The following DOCK3 variants were observed in gnomAD, a reference collection of about 807,000 sequenced individuals.
DOCK3 encodes the protein dedicator of cytokinesis 3.
DOCK3 carries 60 observed loss-of-function variants against 265.6 expected under a neutral mutation model. The ratio of observed to expected loss-of-function variants is 0.23; its 90% CI spans 0.18 to 0.28. The LOEUF is 0.28. Among genes scored for constraint, DOCK3 ranks in the 10% least tolerant of loss-of-function variants. The pLI is 1.00. For synonymous variants in DOCK3, 881 were observed against 938.0 expected (o/e 0.94, Z 1.11); for missense variants, 1,981 against 2,594.3 (o/e 0.76, Z 5.14).
Position 51,310,304 on chromosome 3 carries a change from G to A in DOCK3, c.2995G>A (p.Val999Ile). The change falls in exon 28 of 53, where the codon GTA (valine) becomes ATA (isoleucine). Residue 999 changes from valine to isoleucine, a missense_variant. Transcript: ENST00000266037. ...KMSVFPRDWM[V>I]MRLLTSNIIV... ...GAGTGTCTTCCCTCGGGACTGGATG[G>A]TAATGAGACTGCTCACAAGCAAGTA... 1 of 1,602,120 alleles carries A rather than the reference G, an allele frequency of 6.2e-7. No individual in the cohort carries two copies. Among genetic ancestry groups the A allele is most frequent in the African/African-American group, 1.3e-5 (1 of 74,920 alleles).
At chr3:50,693,979 A>T (rs2035439703) in intron 1 of DOCK3, among the ~76,000 whole-genome samples, 1 of 152,088 alleles carries the variant, frequency 6.6e-6, no homozygotes, top group African/African-American at 2.4e-5. Flanking sequence ...GCTACATACA[A>T]AATTGTTGGC....
At chr3:50,911,128 T>C (rs548901792) in intron 4 of DOCK3, among the ~76,000 whole-genome samples, 1 of 152,254 alleles carries the variant, frequency 6.6e-6, no homozygotes, top group African/African-American at 2.4e-5. Context: ...ACTTTCTTGA[T>C]TGCCTCTTTA....
At chr3:51,042,365 C>G (rs966854682) in intron 5 of DOCK3, among the ~76,000 whole-genome samples, 2 of 152,082 alleles carry the variant, frequency 1.3e-5, no homozygotes, top group African/African-American at 4.8e-5. Flanking sequence ...CAGAAAGGGC[C>G]TTTGATAAAA....
intron 32 of DOCK3, among the ~76,000 whole-genome samples, chr3:51,327,676 C>CTTT (rs563361812): frequency 3.3e-4 from 41 of 124,202 alleles, no homozygotes; most frequent in Non-Finnish European, 4.1e-4. Flanking sequence ...CCATCACCAG[C>CTTT]TTTTTTTTTT....
At chr3:50,801,399 G>A (rs1246433943) in intron 2 of DOCK3, among the ~76,000 whole-genome samples, 1 of 152,148 alleles carries the variant, frequency 6.6e-6, no homozygotes, top group Admixed American at 6.5e-5. Flanking sequence ...GAATGAGTCA[G>A]GGTGGAGCAG....
At position 51,381,504 on chromosome 3, in the gene DOCK3, G is replaced by A; in HGVS notation, c.6038G>A (p.Ser2013Asn). Residue 2013 changes from serine (S) to asparagine (N), a missense_variant, in exon 53 of 53, where the codon AGC becomes AAC. Around this residue, in one of 4 missense-constraint regions of DOCK3, gnomAD observed 149 missense variants for 144.7 expected, o/e 1.03. Transcript: ENST00000266037. This position sits in a 1 kb window ranked among gnomAD's most constrained non-coding sequence, Gnocchi z 5.6. ...CGCAAGGCTCCATTGCCTCCTGGGAGCGCTAAGGAGGAGCAGGCCCGCATG... is the reference window on the plus strand; with the variant it reads ...CGCAAGGCTCCATTGCCTCCTGGGAACGCTAAGGAGGAGCAGGCCCGCATG... ...LHRKAPLPPG[S>N]AKEEQARMAW... is the part of the protein sequence containing the mutation. 6.3e-7 allele frequency: 1 copy of A among 1,581,342 alleles called. No homozygotes were observed. Among genetic ancestry groups the A allele is most frequent in the Non-Finnish European group, 8.6e-7 (1 of 1,164,794 alleles).
rs2088063127 is a variant in DOCK3 at position 51,375,732 on chromosome 3, T to C, written c.5413-16T>C. ...GGTTGTTTTCACTCTCTGTAATGTT[T>C]ATCTCCTTCCTTCAGCCGCCGAATT... On this transcript the variant is annotated splice_polypyrimidine_tract_variant and intron_variant, in intron 50 of 52. Coordinates refer to ENST00000266037, the MANE Select transcript of DOCK3 (RefSeq NM_004947.5). The C allele has an allele frequency of 6.2e-7, 1 of 1,614,014 alleles. No individual in the cohort carries two copies. The highest frequency in any genetic ancestry group is 2.2e-5 in the East Asian group (1 of 44,886).
chr3:50,731,919 A>T (rs1298657759), intron 1 of DOCK3, among the ~76,000 whole-genome samples: 1 of 152,242 alleles, frequency 6.6e-6, no homozygotes, highest in Non-Finnish European at 1.5e-5. Context: ...TTAAAGAAGT[A>T]AAACTCAGAT....
chr3:51,023,777 G>GT (rs1457641539), intron 5 of DOCK3, among the ~76,000 whole-genome samples: 3 of 152,016 alleles, frequency 2.0e-5, no homozygotes, highest in Middle Eastern at 3.4e-3. Context: ...ATCCTTGACT[G>GT]TTTTTTTAAT....
intron 38 of DOCK3, among the ~76,000 whole-genome samples, chr3:51,342,639 G>A (rs978769588): frequency 1.3e-5 from 2 of 152,208 alleles, no homozygotes; most frequent in Non-Finnish European, 2.9e-5. Context: ...GTACAGAGTG[G>A]AGAGTTATCC....
At chr3:51,294,730 G>A (rs1194838179) in intron 27 of DOCK3, among the ~76,000 whole-genome samples, 3 of 149,420 alleles carry the variant, frequency 2.0e-5, no homozygotes, top group African/African-American at 7.4e-5. Flanking sequence ...GTAGATAGTA[G>A]AATGATGGTT....
chr3:51,228,137 C>A, intron 17 of DOCK3, 49 bp downstream of exon 17: 1 of 1,565,792 alleles, frequency 6.4e-7, no homozygotes, highest in Non-Finnish European at 8.8e-7. Context: ...TGCCCTGAGG[C>A]CACTCTCACA....
rs74892446 is a variant in DOCK3, at chr3:51,003,082, C to T, written c.316-61366C>T. On this transcript the variant is annotated intron_variant, in intron 5 of 52. Coordinates refer to ENST00000266037, the MANE Select transcript of DOCK3 (RefSeq NM_004947.5). ...AGGAAATGTGAATACATATTCCTAA[C>T]ATAAGATGTTTCAGATAGCCAGAAT... Among the ~76,000 whole-genome samples, 905 of 152,292 alleles carry T rather than the reference C, an allele frequency of 5.9e-3. 5 individuals carry two copies. Among genetic ancestry groups the T allele is most frequent in the African/African-American group, 0.02 (845 of 41,570 alleles).
chr3:50,927,182 ATCT>A (rs1018977477), intron 4 of DOCK3, among the ~76,000 whole-genome samples: 6 of 152,116 alleles, frequency 3.9e-5, no homozygotes, highest in Non-Finnish European at 8.8e-5. Flanking sequence ...CTTTTCTGAA[ATCT>A]TCTCAGTGAA....
At chr3:51,325,501 T>C (rs1191953027) in intron 32 of DOCK3, among the ~76,000 whole-genome samples, 2 of 152,234 alleles carry the variant, frequency 1.3e-5, no homozygotes, top group Non-Finnish European at 2.9e-5. Flanking sequence ...GAAGACAGTC[T>C]GGCAATTCCT....
At chr3:51,031,905 G>A (rs992763568) in intron 5 of DOCK3, among the ~76,000 whole-genome samples, 1 of 152,192 alleles carries the variant, frequency 6.6e-6, no homozygotes, top group African/African-American at 2.4e-5. Context: ...GAAGCAGAAA[G>A]CAGCCTTTAT....
At chr3:50,830,081 T>C (rs956398645) in intron 2 of DOCK3, among the ~76,000 whole-genome samples, 1 of 152,232 alleles carries the variant, frequency 6.6e-6, no homozygotes, top group African/African-American at 2.4e-5. Context: ...GGCTGAATTA[T>C]CTTATAAGTT....
chr3:50,793,731 C>T (rs1340816357), intron 2 of DOCK3, among the ~76,000 whole-genome samples: 4 of 29,454 alleles, frequency 1.4e-4, no homozygotes, highest in Admixed American at 6.2e-4. Context: ...TCATGTTTTC[C>T]TCTCCTTCTG....
chr3:51,320,548 C>T (rs182306009), intron 32 of DOCK3, among the ~76,000 whole-genome samples: 38 of 152,312 alleles, frequency 2.5e-4, no homozygotes, highest in South Asian at 6.2e-4. Flanking sequence ...CCCACCCCCA[C>T]GGAGCCCAGC....
Sources: allele counts gnomAD v4.1 joint callset (sites outside exome capture counted in the v4.1 genomes callset), GRCh38; gene constraint gnomAD v4.1.1; regional missense constraint gnomAD v4.1.1; non-coding constraint Gnocchi (gnomAD v3.1); transcripts MANE v1.5; gene names NCBI Gene and HGNC (gene_info 2026-07-23, HGNC 2026-07-21).